SNTB1: variants seen among roughly 807,000 people sequenced by gnomAD.
SNTB1 encodes syntrophin beta 1, also known as beta-1-syntrophin.
Under a neutral mutation model 48.9 loss-of-function variants are expected in SNTB1, and 36 were observed. That is an observed-to-expected ratio of 0.74 (90% CI 0.56 to 0.97). SNTB1 has a LOEUF of 0.97. Among genes scored for constraint, SNTB1 ranks in the 50% least tolerant of loss-of-function variants. SNTB1 has a pLI of 0.00. For synonymous variants in SNTB1, 299 were observed against 294.6 expected (o/e 1.01, Z -0.15); for missense variants, 786 against 703.4 (o/e 1.12, Z -1.33).
rs764836354 is a variant in SNTB1 at position 120,548,759 on chromosome 8, C to G, written c.1333+3G>C. ...GTCCTTGGTAGCTCACTGCAGTACT[C>G]ACCAGTGCTGATTTCAGCAATGAGT... On this transcript the variant is annotated splice_donor_region_variant and intron_variant, in intron 5 of 6. Transcript: ENST00000517992. The G allele has an allele frequency of 1.2e-6, 2 of 1,613,584 alleles. No homozygotes were observed. Among genetic ancestry groups the G allele is most frequent in the Admixed American group, 1.7e-5 (1 of 60,022 alleles).
intron 2 of SNTB1, among the ~76,000 whole-genome samples, chr8:120,633,761 C>T (rs28591616): frequency 1.3e-5 from 2 of 152,068 alleles, no homozygotes; most frequent in African/African-American, 4.8e-5. Flanking sequence ...TACTTTATGT[C>T]GTTAACTTCT....
chr8:120,804,986 T>C (rs190678859), intron 1 of SNTB1, among the ~76,000 whole-genome samples: 127 of 152,330 alleles, frequency 8.3e-4, no homozygotes, highest in Admixed American at 2.9e-3. Context: ...ATGGTACTTA[T>C]CTGTATCTGT....
At chr8:120,638,803 A>G (rs1210716043) in intron 2 of SNTB1, among the ~76,000 whole-genome samples, 8 of 152,144 alleles carry the variant, frequency 5.3e-5, no homozygotes, top group Non-Finnish European at 7.4e-5. Context: ...CCAGTCTATC[A>G]CTGATGGACA....
chr8:120,625,003 A>C (rs558437969), intron 3 of SNTB1, among the ~76,000 whole-genome samples: 2 of 152,302 alleles, frequency 1.3e-5, no homozygotes, highest in Admixed American at 6.5e-5. Flanking sequence ...TGGGACAGAC[A>C]TGGGGCCTCT....
intron 1 of SNTB1, among the ~76,000 whole-genome samples, chr8:120,718,819 C>T (rs1280736600): frequency 6.6e-6 from 1 of 151,992 alleles, no homozygotes; most frequent in African/African-American, 2.4e-5. Context: ...CTGTGGTTCC[C>T]TATAAACTCC....
intron 4 of SNTB1, among the ~76,000 whole-genome samples, chr8:120,573,123 C>T (rs1161956281): frequency 2.6e-5 from 4 of 152,186 alleles, no homozygotes; most frequent in Non-Finnish European, 4.4e-5. Context: ...AGTGGCTGCA[C>T]CATTTTACAT....
rs548578200 is a variant in SNTB1 at position 120,688,738 on chromosome 8, G to T, written c.788+4954C>A. Among the ~76,000 whole-genome samples, 69 of 152,288 alleles carry T rather than the reference G, an allele frequency of 4.5e-4. No homozygotes were observed. In the South Asian group the frequency reaches 0.014, roughly 31 times the overall value. On this transcript the variant is annotated intron_variant, in intron 2 of 6. Transcript: ENST00000517992. ...AGGGATGCTGGAACAGAAACGATGA[G>T]GTAAAGAGGAGCTGGACAATTACGG...
In SNTB1 at chr8:120,809,122, C is replaced by A. The variant is rs533808000; in HGVS notation, c.571+2151G>T. Among the ~76,000 whole-genome samples the A allele has an allele frequency of 1.8e-4, 27 of 152,276 alleles. No homozygotes were observed. The South Asian group carries it at 5.6e-3, about 32-fold the overall frequency. ...GGAATCCCTGTATTAGACTAAGCTA[C>A]AAAAGAGAGGATTGTGATATTTGAC... On this transcript the variant is annotated intron_variant, in intron 1 of 6. Transcript: ENST00000517992.
intron 1 of SNTB1, among the ~76,000 whole-genome samples, chr8:120,709,275 G>T (rs1563857641): frequency 6.6e-6 from 1 of 152,120 alleles, no homozygotes. Flanking sequence ...TAAAATCAGG[G>T]AAACTACCTT....
chr8:120,720,306 G>A (rs1214089845), intron 1 of SNTB1, among the ~76,000 whole-genome samples: 1 of 152,198 alleles, frequency 6.6e-6, no homozygotes, highest in South Asian at 2.1e-4. Flanking sequence ...GTTCTCACAC[G>A]AGTCTAATGT....
At chr8:120,728,554 A>G (rs182556731) in intron 1 of SNTB1, among the ~76,000 whole-genome samples, 94 of 152,138 alleles carry the variant, frequency 6.2e-4, no homozygotes, top group African/African-American at 2.1e-3. Flanking sequence ...AAATCACCCA[A>G]TGTTTAGCTC....
intron 1 of SNTB1, chr8:120,775,301 C>T (rs1324493611): frequency 1.3e-5 from 2 of 152,120 alleles, no homozygotes; most frequent in African/African-American, 2.4e-5. Flanking sequence ...ACATTCATTC[C>T]GCAACATACT....
chr8:120,632,329 CCA>C (rs1165668267), intron 3 of SNTB1, 113 bp downstream of exon 3: 2 of 993,894 alleles, frequency 2.0e-6, no homozygotes, highest in Non-Finnish European at 3.0e-6. Context: ...AATGAGAAAT[CCA>C]CACAGACTGT....
At chr8:120,752,718 G>C (rs1273968545) in intron 1 of SNTB1, among the ~76,000 whole-genome samples, 1 of 151,952 alleles carries the variant, frequency 6.6e-6, no homozygotes, top group African/African-American at 2.4e-5. Context: ...AATTAATGCA[G>C]GAACAGAAAA....
chr8:120,666,797 C>T lies in SNTB1; in HGVS notation c.788+26895G>A, dbSNP rs557283261. Among the ~76,000 whole-genome samples, 3 of 152,144 alleles carry T rather than the reference C, an allele frequency of 2.0e-5. No homozygotes were observed. In the East Asian group the frequency reaches 5.8e-4, roughly 29 times the overall value. The stretch of plus-strand genomic sequence containing the variant: ...TTAAAAAATTATCTTTTCTATGTTT[C>T]ATTAGGAATAGTTTCTATTACTAGG... On this transcript the variant is annotated intron_variant, in intron 2 of 6. Coordinates refer to ENST00000517992, the MANE Select transcript of SNTB1 (RefSeq NM_021021.4).
chr8:120,598,176 G>A (rs1446657346), intron 3 of SNTB1, among the ~76,000 whole-genome samples: 1 of 152,020 alleles, frequency 6.6e-6, no homozygotes, highest in Non-Finnish European at 1.5e-5. Context: ...TTTCCTCTTG[G>A]TTTTCAAAGT....
At chr8:120,587,513 A>G (rs1816167397) in intron 3 of SNTB1, among the ~76,000 whole-genome samples, 1 of 152,178 alleles carries the variant, frequency 6.6e-6, no homozygotes, top group Non-Finnish European at 1.5e-5. Flanking sequence ...TCATGGTTCC[A>G]TACTTTATAT....
At chr8:120,554,101 T>C (rs1563815830) in intron 4 of SNTB1, among the ~76,000 whole-genome samples, 1 of 152,218 alleles carries the variant, frequency 6.6e-6, no homozygotes, top group Non-Finnish European at 1.5e-5. Context: ...AAGAAATCGA[T>C]TCCCGGGGAG....
chr8:120,793,281 C>A (rs773301905), intron 1 of SNTB1, among the ~76,000 whole-genome samples: 4 of 151,938 alleles, frequency 2.6e-5, no homozygotes, highest in Non-Finnish European at 4.4e-5. Context: ...CAACATTGCA[C>A]CCTAAGAAGA....
Sources: gnomAD v4.1 joint callset for allele counts (sites outside exome capture counted in the v4.1 genomes callset) on GRCh38, gnomAD v4.1.1 for gene constraint, MANE v1.5 for transcripts, NCBI Gene and HGNC (gene_info 2026-07-23, HGNC 2026-07-21) for gene names.